Variants in ANXA11 observed in about 807,000 individuals in gnomAD.
ANXA11 encodes the protein 56 kDa autoantigen.
In ANXA11, 57 loss-of-function variants were observed where a neutral mutation model predicts 64.7. The observed-to-expected ratio is 0.88, with a 90% CI of 0.71 to 1.10. The LOEUF is 1.10. Ranked by LOEUF, ANXA11 falls within the 50% of genes least tolerant of loss-of-function variation. The pLI is 0.00. For missense variants in ANXA11, 675 were observed against 670.7 expected, an observed-to-expected ratio of 1.01 and a Z score of -0.07; for synonymous variants, 260 against 265.2, an observed-to-expected ratio of 0.98 and a Z score of 0.19.
intron 1 of ANXA11, among the ~76,000 whole-genome samples, chr10:80,188,786 A>G (rs531476248): frequency 5.3e-5 from 8 of 152,322 alleles, no homozygotes; most frequent in African/African-American, 1.9e-4. Context: ...CAACACGCCT[A>G]GTGGCCAAAG....
chr10:80,164,021 C>A, intron 9 of ANXA11, 32 bp downstream of exon 9: 1 of 1,575,264 alleles, frequency 6.3e-7, no homozygotes, highest in Non-Finnish European at 8.7e-7. Flanking sequence ...CTGCAGAGGG[C>A]AGAGGGCAGA....
At chr10:80,203,906 T>C (rs1840558613) in intron 1 of ANXA11, among the ~76,000 whole-genome samples, 1 of 152,208 alleles carries the variant, frequency 6.6e-6, no homozygotes, top group Admixed American at 6.5e-5. Flanking sequence ...CTTCCACTGC[T>C]ACTATTTATT....
chr10:80,158,446 G>C (rs1845367385), intron 13 of ANXA11, among the ~76,000 whole-genome samples: 1 of 152,132 alleles, frequency 6.6e-6, no homozygotes, highest in South Asian at 2.1e-4. Flanking sequence ...GGCTTCCCAG[G>C]CCATGAGACC....
chr10:80,171,570 T>G, intron 3 of ANXA11: 2 of 940,060 alleles, frequency 2.1e-6, no homozygotes, highest in Non-Finnish European at 2.5e-6. Context: ...GGGCTAATGG[T>G]GAGTGTATGC....
rs967217990 is a variant in ANXA11 at position 80,171,639 on chromosome 10, G to A, written c.56-724C>T. ...TGCAGGGCTCAGCTGGGTGCCCGAT[G>A]GGCATTCGACATCATCATGGGGCCT... is the stretch of plus-strand genomic sequence containing the variant. On this transcript the variant is annotated intron_variant, in intron 3 of 15. Coordinates refer to ENST00000422982, the MANE Select transcript of ANXA11 (RefSeq NM_145868.2). The A allele has an allele frequency of 3.0e-6, 3 of 985,412 alleles. No homozygotes were observed. In the African/African-American group the frequency reaches 5.2e-5, roughly 17 times the overall value. The allele number at this position is 985,412 out of a possible 1,614,324, so 61.0% of individuals were successfully genotyped here. A position where few individuals can be genotyped will look rare whatever the true frequency, so the allele number is the denominator to read the frequency against.
At chr10:80,168,940 A>AC in intron 5 of ANXA11, 29 bp downstream of exon 5, 1 of 1,498,206 alleles carries the variant, frequency 6.7e-7, no homozygotes, top group Non-Finnish European at 8.9e-7. Context: ...CCAGGCCTGG[A>AC]CCAAGGGAGG....
chr10:80,163,483 T>G (rs1845597795), intron 10 of ANXA11, 51 bp downstream of exon 10: 1 of 1,607,076 alleles, frequency 6.2e-7, no homozygotes, highest in Non-Finnish European at 8.5e-7. Context: ...GGATCCCATC[T>G]CTTTGACTTC....
intron 15 of ANXA11, 95 bp downstream of exon 15, chr10:80,157,546 A>T: frequency 6.5e-7 from 1 of 1,544,766 alleles, no homozygotes; most frequent in Non-Finnish European, 8.7e-7. Context: ...CACACACAGC[A>T]CAGAGGCCAA....
chr10:80,166,284 T>A, intron 7 of ANXA11, 87 bp from the exon 8 acceptor site: 2 of 765,342 alleles, frequency 2.6e-6, no homozygotes, highest in Non-Finnish European at 4.3e-6. Context: ...AAGAGCCATA[T>A]CCCAGATTTG....
chr10:80,159,057 A>T (rs776902504), intron 13 of ANXA11, 43 bp downstream of exon 13: 2 of 1,461,406 alleles, frequency 1.4e-6, no homozygotes, highest in East Asian at 4.5e-5. Flanking sequence ...CTCACGATAC[A>T]CGTTAGCCCC....
Position 80,178,500 on chromosome 10 carries a change from CCT to C in ANXA11, c.-57-2347_-57-2346del, listed in dbSNP as rs797020642. On this transcript the variant is annotated intron_variant, in intron 1 of 15. Coordinates refer to ENST00000422982, the MANE Select transcript of ANXA11 (RefSeq NM_145868.2). ...GGGGACCTTCTGGCCTCTGGTCCTG[CCT>C]CTCAGGGCAGGCTGCAGCACAAATA... Among the ~76,000 whole-genome samples the C allele has an allele frequency of 4.1e-4, 63 of 152,346 alleles. 2 individuals are homozygous for C. The highest frequency in any genetic ancestry group is 1.4e-3 in the African/African-American group (60 of 41,592).
rs775371260 is a variant in ANXA11 at position 80,170,869 on chromosome 10, C to T, written c.102G>A (p.Met34Ile). Residue 34 changes from methionine (M) to isoleucine (I), a missense_variant, in exon 4 of 16, where the codon ATG becomes ATA. Transcript: ENST00000422982. Reference sequence around the variant, plus strand: ...CCACGTTATCCAGCCCGATGGGGGGCATGCTGGGCGGAGGAGGGTAGGCAG... The same window carrying T: ...CCACGTTATCCAGCCCGATGGGGGGTATGCTGGGCGGAGGAGGGTAGGCAG... ...GGAAYPPPPS[M>I]PPIGLDNVAT... The T allele has an allele frequency of 7.4e-5, 115 of 1,551,650 alleles. No individual in the cohort carries two copies. The highest frequency in any genetic ancestry group is 9.8e-5 in the Non-Finnish European group (113 of 1,151,990).
chr10:80,171,937 G>A, intron 3 of ANXA11: 1 of 985,096 alleles, frequency 1.0e-6, no homozygotes, highest in Non-Finnish European at 1.2e-6. Flanking sequence ...ACATGCCCTG[G>A]GACAGCAGCT....
intron 1 of ANXA11, among the ~76,000 whole-genome samples, chr10:80,198,757 G>GAT (rs1298408535): frequency 6.6e-6 from 1 of 152,056 alleles, no homozygotes; most frequent in Non-Finnish European, 1.5e-5. Flanking sequence ...GAGTGAGAGA[G>GAT]AGAGAGAGAG....
At chr10:80,157,100 A>G in intron 15 of ANXA11, 1 of 977,096 alleles carries the variant, frequency 1.0e-6, no homozygotes, top group Non-Finnish European at 1.2e-6. Context: ...CCCAGGAAGG[A>G]ACGATTATTT....
chr10:80,169,080 C>T lies in ANXA11; in HGVS notation c.450G>A (p.Val150=), dbSNP rs752103000. The change falls in exon 5 of 16, where the codon GTG becomes GTA. Residue 150 remains valine (V), a synonymous_variant. Coordinates refer to ENST00000422982, the MANE Select transcript of ANXA11 (RefSeq NM_145868.2). ...GCACTGGAGGCTGACCAGGGTAGGT[C>T]ACTGGTGGCTGCCCAGGGTAGGCCC... ...PPGAYPGQPP[V]TYPGQPPVPL... 37 of 1,535,578 alleles carry T rather than the reference C, an allele frequency of 2.4e-5. No individual in the cohort carries two copies. The Admixed American group carries it at 5.5e-4, about 23-fold the overall frequency.
chr10:80,169,062 AGGCTGACCAGGGTAGGTCACTGGT>A lies in ANXA11; in HGVS notation c.444_467del (p.Thr151_Val158del), dbSNP rs1845860986. ...GCTGCTGCCCAGGGAGTGGCACTGGAGGCTGACCAGGGTAGGTCACTGGTGGCTGCCCAGGGTAGGCCCCTGGGG... is the reference window on the plus strand; with the variant it reads ...GCTGCTGCCCAGGGAGTGGCACTGGAGGCTGCCCAGGGTAGGCCCCTGGGG... On this transcript the variant is annotated inframe_deletion, in exon 5 of 16. Transcript: ENST00000422982. The A allele has an allele frequency of 6.5e-7, 1 of 1,538,368 alleles. No individual in the cohort carries two copies. The highest frequency in any genetic ancestry group is 1.3e-5 in the South Asian group (1 of 76,940).
At chr10:80,180,154 T>A (rs909830517) in intron 1 of ANXA11, among the ~76,000 whole-genome samples, 1 of 152,088 alleles carries the variant, frequency 6.6e-6, no homozygotes, top group Non-Finnish European at 1.5e-5. Flanking sequence ...AACACAGGAA[T>A]CTAGAAATGC....
chr10:80,157,901 A>G, intron 14 of ANXA11, 66 bp downstream of exon 14: 1 of 1,600,920 alleles, frequency 6.2e-7, no homozygotes, highest in Non-Finnish European at 8.6e-7. Context: ...TTCTGCCCTC[A>G]GCCCTTGGTC....
Sources: gnomAD v4.1 joint callset for allele counts (sites outside exome capture counted in the v4.1 genomes callset) on GRCh38, gnomAD v4.1.1 for gene constraint, MANE v1.5 for transcripts, NCBI Gene and HGNC (gene_info 2026-07-23, HGNC 2026-07-21) for gene names.